SULT1E1: variants seen among roughly 807,000 people sequenced by gnomAD.
The protein encoded by SULT1E1 is sulfotransferase 1E1.
In SULT1E1, 36 loss-of-function variants were observed where a neutral mutation model predicts 33.6. The observed-to-expected ratio is 1.07, with a 90% CI of 0.82 to 1.41. SULT1E1 has a LOEUF of 1.41. Ranked by LOEUF, SULT1E1 falls within the 40% of genes most tolerant of loss-of-function variation. The pLI is 0.00. For synonymous variants in SULT1E1, 121 were observed against 111.7 expected, an observed-to-expected ratio of 1.08 and a Z score of -0.53; for missense variants, 371 against 345.7, an observed-to-expected ratio of 1.07 and a Z score of -0.58.
the SULT1E1 span, among the ~76,000 whole-genome samples, chr4:69,830,422 G>A: frequency 6.6e-6 from 1 of 152,222 alleles, no homozygotes; most frequent in East Asian, 1.9e-4. Context: ...TAGCCTCAGG[G>A]TTGAACAGGG....
At position 69,854,932 on chromosome 4, in the gene SULT1E1, T is replaced by C. The variant is rs113575380; in HGVS notation, c.271+369A>G. ...TTAGCATTTAGGTTGTTTCCAATTT[T>C]CCACAATATTAAAAGAATCTGTGGT... On this transcript the variant is annotated intron_variant, in intron 3 of 7. Coordinates refer to ENST00000226444, the MANE Select transcript of SULT1E1 (RefSeq NM_005420.3). 5.7e-3 allele frequency among the ~76,000 whole-genome samples: 873 copies of C among 152,222 alleles called. 3 individuals carry two copies. Among genetic ancestry groups the C allele is most frequent in the Middle Eastern group, 0.027 (8 of 294 alleles).
rs368820547 is a variant in SULT1E1 at position 69,842,722 on chromosome 4, T to C, written c.773-616A>G. Among the ~76,000 whole-genome samples the C allele has an allele frequency of 7.2e-5, 11 of 152,338 alleles. No individual in the cohort carries two copies. In the East Asian group the frequency reaches 2.1e-3, roughly 29 times the overall value. On this transcript the variant is annotated intron_variant, in intron 7 of 7. Coordinates refer to ENST00000226444, the MANE Select transcript of SULT1E1 (RefSeq NM_005420.3). ...ACTGCCTCTTAAACACTTCTGCTAC[T>C]GCCAGCCAGAGAGTGTTTCTCATCT...
chr4:69,847,751 C>G lies in SULT1E1; in HGVS notation c.538G>C (p.Glu180Gln), dbSNP rs761102787. The change falls in exon 6 of 8, where the codon GAA (glutamate) becomes CAA (glutamine). Residue 180 changes from glutamate to glutamine, a missense_variant. Coordinates refer to ENST00000226444, the MANE Select transcript of SULT1E1 (RefSeq NM_005420.3). ...SWYKHVKSWW[E>Q]KGKSPRVLFL... is the part of the protein sequence containing the mutation. ...AGTACACGTGGACTCTTTCCCTTTT[C>G]CCACCAAGATTTTACATGTTTATAC... 8 of 1,609,136 alleles carry G rather than the reference C, an allele frequency of 5.0e-6. No homozygotes were observed. Among genetic ancestry groups the G allele is most frequent in the Non-Finnish European group, 5.9e-6 (7 of 1,176,878 alleles).
chr4:69,831,597 T>C, the SULT1E1 span, among the ~76,000 whole-genome samples: 2 of 152,140 alleles, frequency 1.3e-5, no homozygotes, highest in South Asian at 4.1e-4. Flanking sequence ...CTGAAAAAAC[T>C]TTCTTAAAAT....
the SULT1E1 span, among the ~76,000 whole-genome samples, chr4:69,821,822 A>G: frequency 6.6e-6 from 1 of 152,238 alleles, no homozygotes; most frequent in Non-Finnish European, 1.5e-5. Context: ...ATTTTCTGTC[A>G]TATCAAAGAA....
At chr4:69,828,003 GTT>G in the SULT1E1 span, among the ~76,000 whole-genome samples, 1 of 152,218 alleles carries the variant, frequency 6.6e-6, no homozygotes, top group Non-Finnish European at 1.5e-5. Context: ...GAGGGCAAAG[GTT>G]CTTTAGGCCA....
In SULT1E1 at chr4:69,860,077, G is replaced by C. The variant is rs934478860; in HGVS notation, c.-38C>G. ...TTTAGTTGATCCTGTGAAAGAAATT[G>C]ATCTAGTTTATATCTCTTCAAATAC... On this transcript the variant is annotated 5_prime_UTR_variant, in exon 1 of 8. It adds an upstream start codon to the 5' untranslated region. Coordinates refer to ENST00000226444, the MANE Select transcript of SULT1E1 (RefSeq NM_005420.3). The C allele has an allele frequency of 2.2e-4, 33 of 152,094 alleles. 1 individual carries two copies. Among genetic ancestry groups the C allele is most frequent in the Admixed American group, 2.1e-3 (32 of 15,262 alleles). The allele number at this position is 152,094 out of a possible 1,614,324, so 9.4% of individuals were successfully genotyped here. A position where few individuals can be genotyped will look rare whatever the true frequency, so the allele number is the denominator to read the frequency against.
intron 4 of SULT1E1, among the ~76,000 whole-genome samples, chr4:69,850,359 C>A (rs1371085645): frequency 6.6e-6 from 1 of 152,054 alleles, no homozygotes; most frequent in Non-Finnish European, 1.5e-5. Context: ...CTTAGGCCCT[C>A]AGGCACCTAA....
chr4:69,859,704 A>G (rs983698521), intron 1 of SULT1E1, among the ~76,000 whole-genome samples: 3 of 152,106 alleles, frequency 2.0e-5, no homozygotes, highest in African/African-American at 7.2e-5. Context: ...ACACAAAACT[A>G]AAAGTCAATC....
At chr4:69,837,502 T>C (rs1441978937), downstream of SULT1E1, among the ~76,000 whole-genome samples, 3 of 152,150 alleles carry the variant, frequency 2.0e-5, no homozygotes, top group Admixed American at 1.3e-4. Flanking sequence ...GATGAAGATA[T>C]AACTCTATCT....
At chr4:69,858,096 C>A (rs985585824) in intron 1 of SULT1E1, among the ~76,000 whole-genome samples, 1 of 151,858 alleles carries the variant, frequency 6.6e-6, no homozygotes, top group Non-Finnish European at 1.5e-5. Flanking sequence ...TTATTATTGC[C>A]GGGTATCTAA....
chr4:69,842,571 T>A (rs1428030889), intron 7 of SULT1E1, among the ~76,000 whole-genome samples: 1 of 152,232 alleles, frequency 6.6e-6, no homozygotes, highest in Admixed American at 6.5e-5. Flanking sequence ...CTTAGCATAT[T>A]GTGTTTTCTC....
At chr4:69,826,047 G>T in the SULT1E1 span, among the ~76,000 whole-genome samples, 1 of 152,098 alleles carries the variant, frequency 6.6e-6, no homozygotes, top group Admixed American at 6.6e-5. Context: ...GAATTTTAGG[G>T]TCCCTCCTCA....
intron 4 of SULT1E1, among the ~76,000 whole-genome samples, chr4:69,852,273 CT>C (rs1721140209): frequency 6.6e-6 from 1 of 152,088 alleles, no homozygotes; most frequent in African/African-American, 2.4e-5. Context: ...CATTCAAATT[CT>C]TTTATCATTC....
chr4:69,831,232 G>A, the SULT1E1 span, among the ~76,000 whole-genome samples: 1 of 152,158 alleles, frequency 6.6e-6, no homozygotes, highest in African/African-American at 2.4e-5. Context: ...TGAGGTGCCT[G>A]TAAAACTCGT....
At chr4:69,832,049 C>G in the SULT1E1 span, among the ~76,000 whole-genome samples, 7 of 152,206 alleles carry the variant, frequency 4.6e-5, no homozygotes, top group Admixed American at 1.3e-4. Flanking sequence ...CACCTCCAGC[C>G]TCTCTGGGTC....
At chr4:69,849,067 C>T (rs1721043678) in intron 5 of SULT1E1, 1 of 158,874 alleles carries the variant, frequency 6.3e-6, no homozygotes, top group African/African-American at 2.4e-5. Flanking sequence ...TCTAATCTCT[C>T]CCCAACCCAT....
chr4:69,859,690 AG>A (rs1721324783), intron 1 of SULT1E1, among the ~76,000 whole-genome samples: 1 of 152,116 alleles, frequency 6.6e-6, no homozygotes, highest in Admixed American at 6.5e-5. Flanking sequence ...CCCTTATCAC[AG>A]GAACACAAAA....
chr4:69,855,415 C>A lies in SULT1E1; in HGVS notation c.157G>T (p.Val53Phe), dbSNP rs1393123762. The A allele has an allele frequency of 3.1e-6, 5 of 1,610,456 alleles. No homozygotes were observed. The highest frequency in any genetic ancestry group is 2.7e-5 in the African/African-American group (2 of 74,798). ...ATYPKSGTTW[V>F]SEIVYMIYKE... Reference sequence around the variant, plus strand: ...TAGATCATATACACAATTTCACTAACCCAGGTTGTACCTGTAAAAATTAAA... The same window carrying A: ...TAGATCATATACACAATTTCACTAAACCAGGTTGTACCTGTAAAAATTAAA... Residue 53 changes from valine to phenylalanine, a missense_variant, in exon 3 of 8, where the codon GTT (valine) becomes TTT (phenylalanine). Coordinates refer to ENST00000226444, the MANE Select transcript of SULT1E1 (RefSeq NM_005420.3).
Sources: allele counts gnomAD v4.1 joint callset (sites outside exome capture counted in the v4.1 genomes callset), GRCh38; gene constraint gnomAD v4.1.1; transcripts MANE v1.5; gene names NCBI Gene and HGNC (gene_info 2026-07-23, HGNC 2026-07-21).